SDR42E1: variants seen among roughly 807,000 people sequenced by gnomAD.
The protein encoded by SDR42E1 is short-chain dehydrogenase/reductase family 42E member 1.
SDR42E1 carries 5 observed loss-of-function variants against 2.6 expected under a neutral mutation model. The ratio of observed to expected loss-of-function variants is 1.94; its 90% CI spans 1.01 to 4.08. The LOEUF is 4.08. Among genes scored for constraint, SDR42E1 ranks in the 30% most tolerant of loss-of-function variants. The pLI, the probability that SDR42E1 is intolerant of heterozygous loss-of-function variation, is 0.00. For missense variants in SDR42E1, 596 were observed against 478.6 expected (o/e 1.25, Z -2.29); for synonymous variants, 231 against 188.3 (o/e 1.23, Z -1.86).
At position 81,992,339 on chromosome 16, in the gene SDR42E1, C is replaced by G. The variant is rs946338116; in HGVS notation, c.*6772G>C. 1 of 152,112 alleles carries G rather than the reference C, an allele frequency of 6.6e-6. No homozygotes were observed. The highest frequency in any genetic ancestry group is 1.5e-5 in the Non-Finnish European group (1 of 68,028). The allele number at this position is 152,112 out of a possible 1,614,324, so 9.4% of individuals were successfully genotyped here. A position where few individuals can be genotyped will look rare whatever the true frequency, so the allele number is the denominator to read the frequency against. ...TAAATCCCCTATGAAAGGCACAGGACTATAAATCAGTGGAGTGGGGGTGTT... is the reference window on the plus strand; with the variant it reads ...TAAATCCCCTATGAAAGGCACAGGAGTATAAATCAGTGGAGTGGGGGTGTT... On this transcript the variant is annotated 3_prime_UTR_variant, in exon 3 of 3. Transcript: ENST00000328945.
Position 81,999,505 on chromosome 16 carries a change from A to C in SDR42E1, c.788T>G (p.Phe263Cys), listed in dbSNP as rs749840269. 1 of 1,614,154 alleles carries C rather than the reference A, an allele frequency of 6.2e-7. No individual in the cohort carries two copies. The highest frequency in any genetic ancestry group is 1.7e-5 in the Admixed American group (1 of 60,018). ...FISDGRPVNN[F>C]EFFRPLVEGL... ...CTCAACCAGAGGCCGGAAGAACTCA[A>C]AGTTGTTCACGGGTCTGCCATCTGA... is the stretch of plus-strand genomic sequence containing the variant. Residue 263 changes from phenylalanine to cysteine, a missense_variant, in exon 3 of 3, where the codon TTT becomes TGT. Phe to Cys is a radical substitution (Grantham distance 205). Coordinates refer to ENST00000328945, the MANE Select transcript of SDR42E1 (RefSeq NM_145168.3).
Position 81,994,197 on chromosome 16 carries a change from G to C in SDR42E1, c.*4914C>G, listed in dbSNP as rs577831530. 1 of 152,310 alleles carries C rather than the reference G, an allele frequency of 6.6e-6. No homozygotes were observed. The highest frequency in any genetic ancestry group is 2.1e-4 in the South Asian group (1 of 4,822). The allele number at this position is 152,310 out of a possible 1,614,324, so 9.4% of individuals were successfully genotyped here. A position where few individuals can be genotyped will look rare whatever the true frequency, so the allele number is the denominator to read the frequency against. ...ATGAGCGTCCCGCAGGCAGCGTTAC[G>C]GAACCCCAGTGTAGTCACCAGGACC... is the stretch of plus-strand genomic sequence containing the variant. On this transcript the variant is annotated 3_prime_UTR_variant, in exon 3 of 3. Coordinates refer to ENST00000328945, the MANE Select transcript of SDR42E1 (RefSeq NM_145168.3).
intron 1 of SDR42E1, among the ~76,000 whole-genome samples, chr16:82,006,440 A>G (rs568154736): frequency 1.3e-5 from 2 of 152,332 alleles, no homozygotes; most frequent in East Asian, 3.9e-4. Flanking sequence ...AAAAATAAAT[A>G]TGCAGTTAGA....
rs1912596277 is a variant in SDR42E1, at chr16:81,998,259, A to C, written c.*852T>G. The C allele has an allele frequency of 6.6e-6, 1 of 152,224 alleles. No homozygotes were observed. The highest frequency in any genetic ancestry group is 2.4e-5 in the African/African-American group (1 of 41,454). The allele number at this position is 152,224 out of a possible 1,614,324, so 9.4% of individuals were successfully genotyped here. A position where few individuals can be genotyped will look rare whatever the true frequency, so the allele number is the denominator to read the frequency against. On this transcript the variant is annotated 3_prime_UTR_variant, in exon 3 of 3. Transcript: ENST00000328945. ...TGACTCCCTTAATCATCAGATTTTTAGTTGCTTCATTGTGGCCTTCTTAGA... is the reference window on the plus strand; with the variant it reads ...TGACTCCCTTAATCATCAGATTTTTCGTTGCTTCATTGTGGCCTTCTTAGA...
At chr16:82,004,287 G>A (rs1024939488) in intron 1 of SDR42E1, among the ~76,000 whole-genome samples, 8 of 152,162 alleles carry the variant, frequency 5.3e-5, no homozygotes, top group African/African-American at 1.7e-4. Flanking sequence ...CCCATGGGAG[G>A]ATCTAGGTAG....
At chr16:82,003,049 G>C (rs775718529) in intron 1 of SDR42E1, among the ~76,000 whole-genome samples, 2 of 152,134 alleles carry the variant, frequency 1.3e-5, no homozygotes, top group African/African-American at 2.4e-5. Context: ...AAGCGAATCA[G>C]ATCACTTATG....
chr16:82,010,687 G>A (rs369281856), intron 1 of SDR42E1, among the ~76,000 whole-genome samples: 5 of 152,062 alleles, frequency 3.3e-5, no homozygotes, highest in South Asian at 2.1e-4. Context: ...TTTCCAGACC[G>A]AAAAACATGT....
intron 2 of SDR42E1, 68 bp downstream of exon 2, chr16:82,000,723 C>CA: frequency 8.6e-7 from 1 of 1,165,312 alleles, no homozygotes; most frequent in Non-Finnish European, 1.3e-6. Flanking sequence ...GCTCTGCTGT[C>CA]AGAGTTGAAT....
chr16:82,005,378 T>C (rs974685313), intron 1 of SDR42E1, among the ~76,000 whole-genome samples: 3 of 152,096 alleles, frequency 2.0e-5, no homozygotes, highest in African/African-American at 7.2e-5. Flanking sequence ...CTTAACAAGA[T>C]AAACAGCAAG....
At position 81,992,787 on chromosome 16, in the gene SDR42E1, T is replaced by TA. The variant is rs1912456458; in HGVS notation, c.*6323dup. ...AACTAGATTTGGCCTCGGTCATAAT[T>TA]ACTTGAGTTCAATGAACTCAAGTAA... On this transcript the variant is annotated 3_prime_UTR_variant, in exon 3 of 3. Transcript: ENST00000328945. The TA allele has an allele frequency of 6.6e-6, 1 of 152,068 alleles. No homozygotes were observed. Among genetic ancestry groups the TA allele is most frequent in the Non-Finnish European group, 1.5e-5 (1 of 68,010 alleles). The allele number at this position is 152,068 out of a possible 1,614,324, so 9.4% of individuals were successfully genotyped here. A position where few individuals can be genotyped will look rare whatever the true frequency, so the allele number is the denominator to read the frequency against.
chr16:82,003,877 G>C (rs1026028536), intron 1 of SDR42E1, among the ~76,000 whole-genome samples: 1 of 152,168 alleles, frequency 6.6e-6, no homozygotes, highest in African/African-American at 2.4e-5. Context: ...AATATTTGTT[G>C]AATCTATGGA....
In SDR42E1 at chr16:81,999,294, C is replaced by G. The variant is rs1050365741; in HGVS notation, c.999G>C (p.Glu333Asp). 6.2e-7 allele frequency: 1 copy of G among 1,614,236 alleles called. No homozygotes were observed. Among genetic ancestry groups the G allele is most frequent in the South Asian group, 1.1e-5 (1 of 91,090 alleles). ...HYFSLEKAKK[E>D]LGYKAQPFDL... ...CAAATGGCTGAGCCTTATAACCTAGCTCTTTCTTGGCTTTCTCTAAGCTAA... is the reference window on the plus strand; with the variant it reads ...CAAATGGCTGAGCCTTATAACCTAGGTCTTTCTTGGCTTTCTCTAAGCTAA... The change falls in exon 3 of 3, where the codon GAG becomes GAC. Residue 333 changes from glutamate to aspartate, a missense_variant. Glu to Asp is a conservative substitution (Grantham distance 45, BLOSUM62 2). Transcript: ENST00000328945.
intron 1 of SDR42E1, among the ~76,000 whole-genome samples, chr16:82,010,900 C>G (rs573912067): frequency 4.7e-4 from 72 of 152,342 alleles, no homozygotes; most frequent in African/African-American, 1.7e-3. Context: ...CAATTTCTGT[C>G]ACATCTGATT....
Position 81,989,623 on chromosome 16 carries a change from C to G in SDR42E1, c.*9488G>C, listed in dbSNP as rs1024965579. ...TAGAGCAGAGAGGCATAGATGCCTA[C>G]TTGTTCTCTAGCATGGTGTAATTGA... On this transcript the variant is annotated 3_prime_UTR_variant, in exon 3 of 3. Coordinates refer to ENST00000328945, the MANE Select transcript of SDR42E1 (RefSeq NM_145168.3). 2 of 152,178 alleles carry G rather than the reference C, an allele frequency of 1.3e-5. No individual in the cohort carries two copies. The highest frequency in any genetic ancestry group is 4.8e-5 in the African/African-American group (2 of 41,436). 9.4% of individuals were successfully genotyped at this position (152,178 alleles called of 1,614,324 possible). A position where few individuals can be genotyped will look rare whatever the true frequency, so the allele number is the denominator to read the frequency against.
In SDR42E1 at chr16:81,992,493, T is replaced by C. The variant is rs984438543; in HGVS notation, c.*6618A>G. On this transcript the variant is annotated 3_prime_UTR_variant, in exon 3 of 3. Coordinates refer to ENST00000328945, the MANE Select transcript of SDR42E1 (RefSeq NM_145168.3). ...CAAAAGACGACTCATTCTTATAACA[T>C]ATATACATATGTTAAAATATATATA... is the stretch of plus-strand genomic sequence containing the variant. 6.6e-6 allele frequency: 1 copy of C among 152,182 alleles called. No homozygotes were observed. Among genetic ancestry groups the C allele is most frequent in the African/African-American group, 2.4e-5 (1 of 41,442 alleles). The allele number at this position is 152,182 out of a possible 1,614,324, so 9.4% of individuals were successfully genotyped here.
intron 1 of SDR42E1, among the ~76,000 whole-genome samples, chr16:82,008,874 C>T (rs569392770): frequency 6.6e-6 from 1 of 152,292 alleles, no homozygotes; most frequent in South Asian, 2.1e-4. Context: ...ACCAAAGGCC[C>T]AGAAGTCTAG....
rs1019401872 is a variant in SDR42E1 at position 81,991,274 on chromosome 16, G to C, written c.*7837C>G. 6.6e-6 allele frequency: 1 copy of C among 152,132 alleles called. No individual in the cohort carries two copies. Among genetic ancestry groups the C allele is most frequent in the African/African-American group, 2.4e-5 (1 of 41,416 alleles). 9.4% of individuals were successfully genotyped at this position (152,132 alleles called of 1,614,324 possible). On this transcript the variant is annotated 3_prime_UTR_variant, in exon 3 of 3. Coordinates refer to ENST00000328945, the MANE Select transcript of SDR42E1 (RefSeq NM_145168.3). ...TACTCACATGACAAAATAATGGTTT[G>C]CTTCTGTAACTTAGTTTGTGTAGCA...
rs1567561889 is a variant in SDR42E1, at chr16:81,997,638, C to T, written c.*1473G>A. ...CACGTTTTCCTAAAAACAATCACTA[C>T]CATCACCTCATACTGATGTTGCAAT... On this transcript the variant is annotated 3_prime_UTR_variant, in exon 3 of 3. Transcript: ENST00000328945. The T allele has an allele frequency of 1.3e-5, 2 of 152,240 alleles. No individual in the cohort carries two copies. The highest frequency in any genetic ancestry group is 2.9e-5 in the Non-Finnish European group (2 of 68,056). The allele number at this position is 152,240 out of a possible 1,614,324, so 9.4% of individuals were successfully genotyped here.
At chr16:82,000,977 T>C in intron 1 of SDR42E1, 93 bp from the exon 2 acceptor site, 4 of 741,210 alleles carry the variant, frequency 5.4e-6, no homozygotes, top group East Asian at 5.5e-5. Context: ...GTCAATACGC[T>C]GTAGTAGAAT....
Sources: gnomAD v4.1 joint callset for allele counts (sites outside exome capture counted in the v4.1 genomes callset) on GRCh38, gnomAD v4.1.1 for gene constraint, MANE v1.5 for transcripts, NCBI Gene and HGNC (gene_info 2026-07-23, HGNC 2026-07-21) for gene names.